The following ACSBG2 variants were observed in gnomAD, a reference collection of about 807,000 sequenced individuals.
The protein encoded by ACSBG2 is long-chain-fatty-acid--CoA ligase ACSBG2.
ACSBG2 carries 62 observed loss-of-function variants against 74.7 expected under a neutral mutation model. That is an observed-to-expected ratio of 0.83 (90% CI 0.68 to 1.03). ACSBG2 has a LOEUF of 1.03. ACSBG2 is among the 50% of genes least tolerant of loss of function. The pLI, the probability that ACSBG2 is intolerant of heterozygous loss-of-function variation, is 0.00. For synonymous variants in ACSBG2, 309 were observed against 294.1 expected, an observed-to-expected ratio of 1.05 and a Z score of -0.52; for missense variants, 730 against 817.6, an observed-to-expected ratio of 0.89 and a Z score of 1.31.
chr19:6,181,221 CA>C (rs1157571006), intron 8 of ACSBG2, among the ~76,000 whole-genome samples: 631 of 29,176 alleles, frequency 0.022, no homozygotes, highest in East Asian at 0.041. Context: ...GAGACTGTGT[CA>C]AAAAAAAAAA....
Position 6,142,579 on chromosome 19 carries a change from C to T in ACSBG2, c.67+969C>T, listed in dbSNP as rs533958786. Among the ~76,000 whole-genome samples the T allele has an allele frequency of 5.3e-5, 8 of 151,970 alleles. No homozygotes were observed. The South Asian group carries it at 6.3e-4, about 12-fold the overall frequency. On this transcript the variant is annotated intron_variant, in intron 2 of 14. Coordinates refer to ENST00000588485, the MANE Select transcript of ACSBG2 (RefSeq NM_030924.5). ...CATCCTGACTAAGATGGTGAAACCC[C>T]GTCTCTACTAAAAAATACAAAAAAT...
At chr19:6,147,828 A>G (rs1425459379) in intron 3 of ACSBG2, among the ~76,000 whole-genome samples, 153 bp downstream of exon 3, 1 of 151,978 alleles carries the variant, frequency 6.6e-6, no homozygotes, top group East Asian at 1.9e-4. Flanking sequence ...TCAGCCACTC[A>G]GTTCCTCTCT....
At chr19:6,165,787 A>G in intron 6 of ACSBG2, 79 bp from the exon 7 acceptor site, 1 of 1,544,778 alleles carries the variant, frequency 6.5e-7, no homozygotes, top group Non-Finnish European at 8.8e-7. Context: ...CTTTAGGAAA[A>G]GCTGATAGGA....
At chr19:6,181,044 T>TAA (rs113174172) in intron 8 of ACSBG2, among the ~76,000 whole-genome samples, 3 of 100,030 alleles carry the variant, frequency 3.0e-5, no homozygotes, top group East Asian at 2.7e-4. Context: ...CCGTCTCTAC[T>TAA]AAAAAAAAAA....
chr19:6,192,070 C>T (rs944513886), intron 14 of ACSBG2: 6 of 40,800 alleles, frequency 1.5e-4, no homozygotes, highest in African/African-American at 7.4e-4. Context: ...AAGCACAGCA[C>T]CAAAAAAAAA....
At chr19:6,190,013 CCT>C (rs1422454891) in intron 13 of ACSBG2, 4 of 153,862 alleles carry the variant, frequency 2.6e-5, no homozygotes, top group Non-Finnish European at 5.8e-5. Flanking sequence ...TGGCCGCTAT[CCT>C]CTTTTTGTTT....
At chr19:6,185,304 T>G in intron 10 of ACSBG2, 132 bp from the exon 11 acceptor site, 1 of 827,916 alleles carries the variant, frequency 1.2e-6, no homozygotes, top group Non-Finnish European at 2.0e-6. Flanking sequence ...CACCTCCTTC[T>G]GTGCGCTGGG....
rs562048141 is a variant in ACSBG2, at chr19:6,173,439, G to A, written c.739-3790G>A. On this transcript the variant is annotated intron_variant, in intron 7 of 14. Coordinates refer to ENST00000588485, the MANE Select transcript of ACSBG2 (RefSeq NM_030924.5). ...CCTGGGAAGTTCTCTAATCAGCACC[G>A]ATGGTGTTGGCCTGGGTTGCAAGGG... Among the ~76,000 whole-genome samples, 9 of 152,282 alleles carry A rather than the reference G, an allele frequency of 5.9e-5. No homozygotes were observed. In the South Asian group the frequency reaches 8.3e-4, roughly 14 times the overall value.
chr19:6,138,962 G>A (rs897181006), intron 1 of ACSBG2, among the ~76,000 whole-genome samples: 13 of 152,164 alleles, frequency 8.5e-5, no homozygotes, highest in African/African-American at 3.1e-4. Context: ...TGTTTTTCAT[G>A]CATATCTGTA....
At chr19:6,160,959 G>A (rs1440247028) in intron 5 of ACSBG2, among the ~76,000 whole-genome samples, 1 of 152,152 alleles carries the variant, frequency 6.6e-6, no homozygotes, top group African/African-American at 2.4e-5. Context: ...AATTAGCTGG[G>A]CATGGTGGCA....
At chr19:6,172,232 G>C (rs2089983488) in intron 7 of ACSBG2, among the ~76,000 whole-genome samples, 1 of 152,150 alleles carries the variant, frequency 6.6e-6, no homozygotes, top group East Asian at 1.9e-4. Context: ...GAACTGGTGA[G>C]ATTCTTTGGA....
chr19:6,167,212 G>T (rs1039359800), intron 7 of ACSBG2, among the ~76,000 whole-genome samples: 1 of 152,136 alleles, frequency 6.6e-6, no homozygotes, highest in Non-Finnish European at 1.5e-5. Flanking sequence ...GCACACACTG[G>T]TGTCTGACCA....
intron 14 of ACSBG2, chr19:6,191,442 A>C (rs1221600623): frequency 2.0e-5 from 3 of 152,170 alleles, no homozygotes; most frequent in African/African-American, 7.2e-5. Flanking sequence ...ATTGTCTCAC[A>C]GATCTGGAGG....
At position 6,165,940 on chromosome 19, in the gene ACSBG2, G is replaced by A. The variant is rs749441786; in HGVS notation, c.663G>A (p.Ala221=). The change falls in exon 7 of 15, where the codon GCG becomes GCA. Residue 221 remains alanine (A), a synonymous_variant. Coordinates refer to ENST00000588485, the MANE Select transcript of ACSBG2 (RefSeq NM_030924.5). ...AGCAGGTCATCGAGAGCCAGAAGGCGAATCAATGCGCAGTGCTCATCTACA... is the reference window on the plus strand; with the variant it reads ...AGCAGGTCATCGAGAGCCAGAAGGCAAATCAATGCGCAGTGCTCATCTACA... The part of the protein sequence containing the change: ...QLEQVIESQK[A]NQCAVLIYTS... The A allele has an allele frequency of 1.3e-5, 21 of 1,613,638 alleles. No individual in the cohort carries two copies. The highest frequency in any genetic ancestry group is 3.3e-5 in the South Asian group (3 of 91,050).
intron 2 of ACSBG2, among the ~76,000 whole-genome samples, chr19:6,146,621 G>A (rs1600011556): frequency 1.3e-5 from 2 of 150,338 alleles, no homozygotes; most frequent in Non-Finnish European, 3.0e-5. Context: ...TAAAATTAGC[G>A]AGGCGTGGTG....
chr19:6,142,015 G>T (rs1215760861), intron 2 of ACSBG2, among the ~76,000 whole-genome samples: 1 of 152,148 alleles, frequency 6.6e-6, no homozygotes, highest in Non-Finnish European at 1.5e-5. Context: ...ACAGGTGTGG[G>T]CCACCGTGCC....
chr19:6,148,943 C>G (rs570604788), intron 3 of ACSBG2, among the ~76,000 whole-genome samples: 2 of 152,154 alleles, frequency 1.3e-5, no homozygotes, highest in Non-Finnish European at 2.9e-5. Flanking sequence ...CCCATCTACA[C>G]TAAAAATACA....
At chr19:6,137,224 G>C (rs76448198) in intron 1 of ACSBG2, 13 of 130,878 alleles carry the variant, frequency 9.9e-5, no homozygotes, top group African/African-American at 2.2e-4. Flanking sequence ...GGGGGGGGGG[G>C]GCTTGCTTGA....
Position 6,190,654 on chromosome 19 carries a change from CT to C in ACSBG2, c.1999del (p.Ter667AspfsTer22). On this transcript the variant is annotated frameshift_variant and stop_lost, in exon 14 of 15. Transcript: ENST00000588485. LOFTEE classifies it high-confidence loss of function. ...AAAAACAAATTGATCACATGTACCA[CT>C]GACTGCTTTGATGGAGCTGCTCTCA... Reference protein sequence around the residue: ...YKKQIDHMYH* With the variant: ...YKKQIDHMYHX 1 of 1,613,934 alleles carries C rather than the reference CT, an allele frequency of 6.2e-7. No individual in the cohort carries two copies. Among genetic ancestry groups the C allele is most frequent in the Non-Finnish European group, 8.5e-7 (1 of 1,179,810 alleles).
Sources: allele counts gnomAD v4.1 joint callset (sites outside exome capture counted in the v4.1 genomes callset), GRCh38; gene constraint gnomAD v4.1.1; transcripts MANE v1.5; gene names NCBI Gene and HGNC (gene_info 2026-07-23, HGNC 2026-07-21).